The following ELF5 variants were observed in gnomAD, a reference collection of about 807,000 sequenced individuals.
ELF5 encodes the protein E74 like ETS transcription factor 5.
A neutral mutation model predicts 38.2 loss-of-function variants in ELF5; 31 were observed. The ratio of observed to expected loss-of-function variants is 0.81; its 90% CI spans 0.61 to 1.10. The LOEUF is 1.10. Ranked by LOEUF, ELF5 falls within the 50% of genes least tolerant of loss-of-function variation. ELF5 has a pLI of 0.00. For synonymous variants in ELF5, 121 were observed against 112.5 expected, an observed-to-expected ratio of 1.08 and a Z score of -0.48; for missense variants, 300 against 306.6, an observed-to-expected ratio of 0.98 and a Z score of 0.16.
chr11:34,489,995 G>C lies in ELF5; in HGVS notation c.406+14C>G, dbSNP rs746376024. The C allele has an allele frequency of 3.1e-6, 5 of 1,614,008 alleles. No individual in the cohort carries two copies. Among genetic ancestry groups the C allele is most frequent in the Non-Finnish European group, 4.2e-6 (5 of 1,179,878 alleles). ...CTTGACAGAGCCTTGGGTGGCTTGCGCTTGGTTACTTACAGTCTTTGATGG... is the reference window on the plus strand; with the variant it reads ...CTTGACAGAGCCTTGGGTGGCTTGCCCTTGGTTACTTACAGTCTTTGATGG... On this transcript the variant is annotated intron_variant, in intron 4 of 6. Coordinates refer to ENST00000257832, the MANE Select transcript of ELF5 (RefSeq NM_001422.4).
At chr11:34,511,757 G>A (rs1850764759) in intron 1 of ELF5, 5 of 635,362 alleles carry the variant, frequency 7.9e-6, no homozygotes, top group Non-Finnish European at 1.1e-5. Flanking sequence ...CGGCACCCCT[G>A]CTCAGCCTCC....
chr11:34,483,399 C>T (rs1008143759), intron 4 of ELF5, among the ~76,000 whole-genome samples: 2 of 151,878 alleles, frequency 1.3e-5, no homozygotes, highest in African/African-American at 4.8e-5. Flanking sequence ...CCAACATAAC[C>T]CTGCAGCACC....
chr11:34,491,795 C>G (rs984019065), intron 3 of ELF5: 1 of 152,106 alleles, frequency 6.6e-6, no homozygotes, highest in African/African-American at 2.4e-5. Context: ...AGGCTTGTCT[C>G]GAATTCCTGA....
intron 2 of ELF5, among the ~76,000 whole-genome samples, chr11:34,504,193 G>A (rs568280205): frequency 1.3e-5 from 2 of 152,340 alleles, no homozygotes; most frequent in South Asian, 2.1e-4. Context: ...GGGAGGGCAC[G>A]GCGACTTGAA....
intron 1 of ELF5, among the ~76,000 whole-genome samples, chr11:34,506,475 C>T (rs1850616282): frequency 6.6e-6 from 1 of 151,998 alleles, no homozygotes; most frequent in Non-Finnish European, 1.5e-5. Flanking sequence ...CACACATACC[C>T]CCTGAATCTA....
At chr11:34,481,588 T>A (rs1590318667) in intron 5 of ELF5, among the ~76,000 whole-genome samples, 2 of 152,338 alleles carry the variant, frequency 1.3e-5, no homozygotes, top group African/African-American at 4.8e-5. Flanking sequence ...GACAGTCAAA[T>A]GATCTTTTCA....
intron 4 of ELF5, among the ~76,000 whole-genome samples, chr11:34,484,226 C>A (rs1564974138): frequency 1.4e-5 from 2 of 144,132 alleles, no homozygotes; most frequent in African/African-American, 4.9e-5. Context: ...ACTGTACCAA[C>A]TACACTATAT....
intron 4 of ELF5, among the ~76,000 whole-genome samples, chr11:34,483,988 A>C (rs12417857): frequency 1.3e-5 from 2 of 151,476 alleles, no homozygotes. Flanking sequence ...ACCACACTAT[A>C]CTGTACTATA....
intron 4 of ELF5, among the ~76,000 whole-genome samples, chr11:34,485,082 G>T (rs1448897814): frequency 6.6e-6 from 1 of 152,168 alleles, no homozygotes; most frequent in Admixed American, 6.5e-5. Flanking sequence ...AATGCCAAGT[G>T]CTTGGTAAGG....
At chr11:34,491,499 A>C (rs976339631) in intron 3 of ELF5, 4 of 151,984 alleles carry the variant, frequency 2.6e-5, no homozygotes, top group African/African-American at 9.7e-5. Context: ...TGTATGACCT[A>C]TTAAAAAGCA....
chr11:34,509,511 G>A (rs1362996371), intron 1 of ELF5, among the ~76,000 whole-genome samples: 3 of 152,024 alleles, frequency 2.0e-5, no homozygotes, highest in African/African-American at 7.3e-5. Flanking sequence ...GCAGATTATC[G>A]TGGGCATGGA....
chr11:34,504,944 T>C (rs1850571300), intron 2 of ELF5, among the ~76,000 whole-genome samples: 2 of 152,190 alleles, frequency 1.3e-5, no homozygotes, highest in Admixed American at 1.3e-4. Flanking sequence ...GCTACATATT[T>C]ACACCCTTTG....
intron 2 of ELF5, among the ~76,000 whole-genome samples, chr11:34,503,542 G>A (rs111405111): frequency 0.13 from 19,885 of 151,588 alleles, 1,454 homozygotes; most frequent in Admixed American, 0.21. Context: ...TCGGCCTTCC[G>A]GGCTCAAGGG....
chr11:34,506,640 A>G (rs570294400), intron 1 of ELF5, among the ~76,000 whole-genome samples: 1 of 152,234 alleles, frequency 6.6e-6, no homozygotes, highest in African/African-American at 2.4e-5. Flanking sequence ...CCACCTCCCG[A>G]GTAGCTGGGT....
intron 4 of ELF5, among the ~76,000 whole-genome samples, chr11:34,484,487 A>ATCCTATCCTATC (rs1564974417): frequency 6.3e-3 from 431 of 68,876 alleles, no homozygotes; most frequent in Middle Eastern, 0.034. Context: ...TACTAACTAT[A>ATCCTATCCTATC]CTATACTATA....
rs1210459951 is a variant in ELF5 at position 34,493,660 on chromosome 11, A to G, written c.174T>C (p.His58=). 5.0e-6 allele frequency: 8 copies of G among 1,614,198 alleles called. No homozygotes were observed. The highest frequency in any genetic ancestry group is 5.9e-6 in the Non-Finnish European group (7 of 1,180,036). Residue 58 remains histidine, a synonymous_variant, in exon 3 of 7, where the codon CAT becomes CAC. Coordinates refer to ENST00000257832, the MANE Select transcript of ELF5 (RefSeq NM_001422.4). The part of the protein sequence containing the change: ...SVHPEYWTKR[H]VWEWLQFCCD... Reference sequence around the variant, plus strand: ...AGCAGAACTGGAGCCACTCCCACACATGGCGCTTAGTCCAGTATTCAGGGT... The same window carrying G: ...AGCAGAACTGGAGCCACTCCCACACGTGGCGCTTAGTCCAGTATTCAGGGT...
intron 2 of ELF5, among the ~76,000 whole-genome samples, chr11:34,505,259 CACCATG>C (rs1289348413): frequency 6.6e-6 from 1 of 152,128 alleles, no homozygotes; most frequent in Non-Finnish European, 1.5e-5. Context: ...TGGCTAAAAC[CACCATG>C]ACCAAGCAAA....
intron 4 of ELF5, among the ~76,000 whole-genome samples, chr11:34,489,548 G>T (rs1008084515): frequency 6.6e-6 from 1 of 152,136 alleles, no homozygotes; most frequent in Non-Finnish European, 1.5e-5. Flanking sequence ...CATCAACAAG[G>T]CTATTTGAGA....
chr11:34,509,535 G>C (rs1340050150), intron 1 of ELF5, among the ~76,000 whole-genome samples: 2 of 151,874 alleles, frequency 1.3e-5, no homozygotes, highest in Non-Finnish European at 2.9e-5. Flanking sequence ...CCTCCTGGGA[G>C]CCCAATCAAA....
Sources: gnomAD v4.1 joint callset for allele counts (sites outside exome capture counted in the v4.1 genomes callset) on GRCh38, gnomAD v4.1.1 for gene constraint, MANE v1.5 for transcripts, NCBI Gene and HGNC (gene_info 2026-07-23, HGNC 2026-07-21) for gene names.